Variants in STPG1 observed in about 807,000 individuals in gnomAD.
STPG1 encodes the protein sperm tail PG-rich repeat containing 1, also known as O(6)-methylguanine-induced apoptosis 2.
In STPG1, 33 loss-of-function variants were observed where a neutral mutation model predicts 40.1. That is an observed-to-expected ratio of 0.82 (90% CI 0.62 to 1.10). The LOEUF is 1.10. Among genes scored for constraint, STPG1 ranks in the 50% least tolerant of loss-of-function variants. The pLI is 0.00. For synonymous variants in STPG1, 150 were observed against 155.0 expected (o/e 0.97, Z 0.24); for missense variants, 396 against 415.1 (o/e 0.95, Z 0.40).
At chr1:24,384,325 C>T (rs754434998) in intron 3 of STPG1, among the ~76,000 whole-genome samples, 6 of 152,172 alleles carry the variant, frequency 3.9e-5, no homozygotes, top group African/African-American at 9.7e-5. Flanking sequence ...ACACTGAATG[C>T]GGCTGATGTG....
chr1:24,414,965 A>C (rs928189500), upstream of STPG1: 2 of 152,054 alleles, frequency 1.3e-5, no homozygotes. Context: ...TTCCTCTCCC[A>C]TGTTCCCAAG....
At chr1:24,397,627 A>G (rs769028439) in intron 2 of STPG1, among the ~76,000 whole-genome samples, 43 of 152,202 alleles carry the variant, frequency 2.8e-4, no homozygotes, top group Non-Finnish European at 5.3e-4. Context: ...AAAAATCAAT[A>G]TAATTCATCA....
chr1:24,371,063 G>A (rs1054331947), intron 6 of STPG1, among the ~76,000 whole-genome samples: 1 of 152,122 alleles, frequency 6.6e-6, no homozygotes, highest in Non-Finnish European at 1.5e-5. Flanking sequence ...TAAGGAAGAA[G>A]AGAATGACCA....
chr1:24,414,729 T>C (rs1420716789), upstream of STPG1: 1 of 151,918 alleles, frequency 6.6e-6, no homozygotes, highest in African/African-American at 2.4e-5. Context: ...AGAGATGGGG[T>C]CCCACTATAT....
chr1:24,368,089 G>T (rs1005894003), intron 7 of STPG1, among the ~76,000 whole-genome samples: 1 of 152,154 alleles, frequency 6.6e-6, no homozygotes, highest in African/African-American at 2.4e-5. Flanking sequence ...CAGAGACAGA[G>T]CTGTTCCTGG....
rs893790073 is a variant in STPG1 at position 24,359,856 on chromosome 1, G to A, written c.928+995C>T. On this transcript the variant is annotated intron_variant, in intron 8 of 8. Coordinates refer to ENST00000337248, the MANE Select transcript of STPG1 (RefSeq NM_001199013.2). The surrounding 1 kb of genome is among the most constrained non-coding windows in gnomAD (Gnocchi z 5.3). ...AAATAGGTCAGGAAGCACAGAGGCC[G>A]CCCACTGGACTGAGTCCCTCATGAT... is the stretch of plus-strand genomic sequence containing the variant. 5.3e-5 allele frequency among the ~76,000 whole-genome samples: 8 copies of A among 152,198 alleles called. No individual in the cohort carries two copies. The highest frequency in any genetic ancestry group is 1.4e-4 in the African/African-American group (6 of 41,442).
chr1:24,358,752 A>G lies in STPG1; in HGVS notation c.929-133T>C, dbSNP rs114811766. The G allele has an allele frequency of 1.3e-3, 851 of 648,788 alleles. 6 individuals are homozygous for G. In the African/African-American group the frequency reaches 0.014, roughly 11 times the overall value. 40.2% of individuals were successfully genotyped at this position (648,788 alleles called of 1,614,324 possible). A position where few individuals can be genotyped will look rare whatever the true frequency, so the allele number is the denominator to read the frequency against. On this transcript the variant is annotated intron_variant, in intron 8 of 8. Transcript: ENST00000337248. ...CCCTGTATCTTACACGTGGGGAGAC[A>G]GAGAGGAAGGAACTGGCCCGAGGTT...
At chr1:24,413,267 C>T (rs1156509111) in intron 1 of STPG1, among the ~76,000 whole-genome samples, 1 of 152,228 alleles carries the variant, frequency 6.6e-6, no homozygotes, top group Non-Finnish European at 1.5e-5. Context: ...GCAGGGAAGT[C>T]GTTTGCTGGG....
intron 7 of STPG1, chr1:24,369,390 G>A (rs927683607): frequency 2.3e-5 from 13 of 562,710 alleles, no homozygotes; most frequent in East Asian, 1.3e-4. Flanking sequence ...CGCCAAATCC[G>A]AAGCCTTGCT....
chr1:24,373,996 T>A (rs1346535006), intron 5 of STPG1, among the ~76,000 whole-genome samples, 186 bp from the exon 6 acceptor site: 2 of 152,026 alleles, frequency 1.3e-5, no homozygotes. Flanking sequence ...CCAGCTCAAG[T>A]GGTCTATGAG....
intron 5 of STPG1, among the ~76,000 whole-genome samples, chr1:24,378,867 T>C (rs1642153080): frequency 1.3e-5 from 2 of 152,198 alleles, no homozygotes; most frequent in Non-Finnish European, 2.9e-5. Context: ...ATTGATTCCA[T>C]TGTACAGTGG....
intron 1 of STPG1, among the ~76,000 whole-genome samples, chr1:24,412,310 C>A (rs941538131): frequency 6.6e-6 from 1 of 152,152 alleles, no homozygotes; most frequent in Non-Finnish European, 1.5e-5. Context: ...CTCACCGGAC[C>A]CAGGCATCGT....
At chr1:24,408,598 G>T (rs2148717491) in intron 1 of STPG1, among the ~76,000 whole-genome samples, 1 of 152,316 alleles carries the variant, frequency 6.6e-6, no homozygotes, top group African/African-American at 2.4e-5. Context: ...CTAAATGGGG[G>T]CAATTGTAGG....
chr1:24,393,601 T>G (rs1642870774), intron 2 of STPG1, among the ~76,000 whole-genome samples: 1 of 152,216 alleles, frequency 6.6e-6, no homozygotes. Flanking sequence ...ATCCAAGGCT[T>G]CTGGCTATAA....
intron 5 of STPG1, among the ~76,000 whole-genome samples, chr1:24,378,367 G>A (rs1254874672): frequency 6.6e-6 from 1 of 152,210 alleles, no homozygotes; most frequent in African/African-American, 2.4e-5. Context: ...CGGGCACGGT[G>A]GCTCCCGCCT....
intron 3 of STPG1, among the ~76,000 whole-genome samples, chr1:24,389,809 A>G (rs939044424): frequency 1.3e-5 from 2 of 152,250 alleles, no homozygotes; most frequent in Non-Finnish European, 2.9e-5. Context: ...GAAACTAGGG[A>G]GAGAAGAAAA....
chr1:24,406,438 AG>A (rs1643419342), intron 1 of STPG1, among the ~76,000 whole-genome samples: 1 of 152,090 alleles, frequency 6.6e-6, no homozygotes, highest in Non-Finnish European at 1.5e-5. Flanking sequence ...ATAAGAAAAA[AG>A]TATTTTATCA....
At chr1:24,395,518 T>C (rs935573428) in intron 2 of STPG1, among the ~76,000 whole-genome samples, 7 of 150,214 alleles carry the variant, frequency 4.7e-5, no homozygotes, top group Non-Finnish European at 7.4e-5. Flanking sequence ...CTGCAAGCTC[T>C]GCCTCCCGGG....
At chr1:24,371,125 T>C (rs78044248) in intron 6 of STPG1, among the ~76,000 whole-genome samples, 2,582 of 152,286 alleles carry the variant, frequency 0.017, 78 homozygotes, top group African/African-American at 0.059. Context: ...AGTAGCCCTG[T>C]GAATGGATGT....
Sources: gnomAD v4.1 joint callset for allele counts (sites outside exome capture counted in the v4.1 genomes callset) on GRCh38, gnomAD v4.1.1 for gene constraint, Gnocchi (gnomAD v3.1) non-coding constraint, MANE v1.5 for transcripts, NCBI Gene and HGNC (gene_info 2026-07-23, HGNC 2026-07-21) for gene names.